MTA1: variants seen among roughly 807,000 people sequenced by gnomAD.
MTA1 encodes metastasis associated 1.
MTA1 carries 15 observed loss-of-function variants against 97.0 expected under a neutral mutation model. The ratio of observed to expected loss-of-function variants is 0.15; its 90% CI spans 0.10 to 0.24. The LOEUF is 0.24. MTA1 is among the 10% of genes least tolerant of loss of function. MTA1 has a pLI of 1.00. For synonymous variants in MTA1, 435 were observed against 417.5 expected, an observed-to-expected ratio of 1.04 and a Z score of -0.51; for missense variants, 709 against 1,015.1, an observed-to-expected ratio of 0.70 and a Z score of 4.10.
At chr14:105,430,628 C>G (rs2141432666) in intron 1 of MTA1, among the ~76,000 whole-genome samples, 1 of 152,276 alleles carries the variant, frequency 6.6e-6, no homozygotes, top group South Asian at 2.1e-4. Flanking sequence ...AAACACAATA[C>G]CTGCAAAGCA....
At chr14:105,439,002 G>T (rs1330582465) in intron 2 of MTA1, among the ~76,000 whole-genome samples, 2 of 152,184 alleles carry the variant, frequency 1.3e-5, no homozygotes, top group East Asian at 3.9e-4. Flanking sequence ...TGGTCTGTGG[G>T]TGCTGGGTCC....
Position 105,470,341 on chromosome 14 carries a change from C to G in MTA1, c.*126C>G. 1.3e-6 allele frequency: 1 copy of G among 764,208 alleles called. No individual in the cohort carries two copies. Among genetic ancestry groups the G allele is most frequent in the Non-Finnish European group, 1.9e-6 (1 of 527,128 alleles). The allele number at this position is 764,208 out of a possible 1,614,324, so 47.3% of individuals were successfully genotyped here. A position where few individuals can be genotyped will look rare whatever the true frequency, so the allele number is the denominator to read the frequency against. Reference sequence around the variant, plus strand: ...TCCCGCCCTCACCTGCAGAGAAACGCGCTCCTTGGCGGACACTGGGGGAGG... The same window carrying G: ...TCCCGCCCTCACCTGCAGAGAAACGGGCTCCTTGGCGGACACTGGGGGAGG... On this transcript the variant is annotated 3_prime_UTR_variant, in exon 21 of 21. Coordinates refer to ENST00000331320, the MANE Select transcript of MTA1 (RefSeq NM_004689.4).
rs778904357 is a variant in MTA1 at position 105,470,143 on chromosome 14, G to C, written c.2076G>C (p.Gln692His). ...RRPYKPIALR[Q>H]SQALPPRPPP... ...CCTACAAGCCCATCGCCCTGCGCCA[G>C]AGCCAGGCCCTGCCGCCGCGGCCAC... Residue 692 changes from glutamine to histidine, a missense_variant, in exon 21 of 21, where the codon CAG becomes CAC. Coordinates refer to ENST00000331320, the MANE Select transcript of MTA1 (RefSeq NM_004689.4). 13 of 1,611,700 alleles carry C rather than the reference G, an allele frequency of 8.1e-6. No homozygotes were observed. In the African/African-American group the frequency reaches 1.2e-4, roughly 15 times the overall value.
In MTA1 at chr14:105,464,540, G is replaced by A. The variant is rs1555431949; in HGVS notation, c.1317G>A (p.Glu439=). The A allele has an allele frequency of 6.2e-7, 1 of 1,612,966 alleles. No homozygotes were observed. The highest frequency in any genetic ancestry group is 8.5e-7 in the Non-Finnish European group (1 of 1,179,956). Reference sequence around the variant, plus strand: ...AAATGCCAACCCGGTTAGATGGAGAGAGGCCAGGACCAAACCGCAGTAACA... The same window carrying A: ...AAATGCCAACCCGGTTAGATGGAGAAAGGCCAGGACCAAACCGCAGTAACA... ...GLKMPTRLDG[E]RPGPNRSNMS... is the part of the protein sequence containing the mutation. The change falls in exon 14 of 21, where the codon GAG becomes GAA. Residue 439 remains glutamate, a synonymous_variant. Transcript: ENST00000331320.
intron 1 of MTA1, among the ~76,000 whole-genome samples, chr14:105,428,465 G>A (rs1276930186): frequency 4.6e-5 from 7 of 152,006 alleles, no homozygotes; most frequent in South Asian, 2.1e-4. Flanking sequence ...TAAGTTTTTC[G>A]TTATGTTGTC....
At position 105,460,809 on chromosome 14, in the gene MTA1, C is replaced by G; in HGVS notation, c.798C>G (p.Ser266=). 6.2e-7 allele frequency: 1 copy of G among 1,610,032 alleles called. No homozygotes were observed. The highest frequency in any genetic ancestry group is 8.5e-7 in the Non-Finnish European group (1 of 1,178,428). ...DTLHKNIYDI[S]KAISALVPQG... ...TCCACAAGAACATCTACGACATCTCCAAGGCCATCTCGGCGCTGGTGCCGC... is the reference window on the plus strand; with the variant it reads ...TCCACAAGAACATCTACGACATCTCGAAGGCCATCTCGGCGCTGGTGCCGC... The change falls in exon 10 of 21, where the codon TCC becomes TCG. Residue 266 remains serine (S), a synonymous_variant. Coordinates refer to ENST00000331320, the MANE Select transcript of MTA1 (RefSeq NM_004689.4).
At chr14:105,453,489 G>A (rs2083023191) in intron 6 of MTA1, among the ~76,000 whole-genome samples, 1 of 152,258 alleles carries the variant, frequency 6.6e-6, no homozygotes, top group African/African-American at 2.4e-5. Flanking sequence ...CAGCCTGGGC[G>A]ACGGAGCGAG....
chr14:105,422,063 GCTT>G lies in MTA1; in HGVS notation c.28+2003_28+2005del, dbSNP rs2081856061. On this transcript the variant is annotated intron_variant, in intron 1 of 20. Transcript: ENST00000331320. The surrounding 1 kb of genome is among the most constrained non-coding windows in gnomAD (Gnocchi z 4.3). Reference sequence around the variant, plus strand: ...CACAGCCACGCGTGGGATCCAGACTGCTTCTGCGTGTGCAGTCCGTGGTCACTG... The same window carrying G: ...CACAGCCACGCGTGGGATCCAGACTGCTGCGTGTGCAGTCCGTGGTCACTG... Among the ~76,000 whole-genome samples the G allele has an allele frequency of 1.3e-5, 2 of 152,234 alleles. No homozygotes were observed. The highest frequency in any genetic ancestry group is 6.5e-5 in the Admixed American group (1 of 15,290).
chr14:105,441,669 C>T (rs1431493104), intron 2 of MTA1, among the ~76,000 whole-genome samples: 4 of 152,150 alleles, frequency 2.6e-5, no homozygotes, highest in Admixed American at 6.5e-5. Context: ...TGGCGGGCGC[C>T]TGTGATCCCA....
chr14:105,469,722 G>A (rs997938524), intron 19 of MTA1, 119 bp from the exon 20 acceptor site: 7 of 1,417,430 alleles, frequency 4.9e-6, no homozygotes, highest in South Asian at 1.3e-5. Context: ...CTGGGGGTCC[G>A]TGTAACTCAC....
At chr14:105,449,244 G>GC (rs2082828860) in intron 3 of MTA1, 115 bp from the exon 4 acceptor site, 3 of 1,057,128 alleles carry the variant, frequency 2.8e-6, no homozygotes, top group Admixed American at 5.8e-5. Flanking sequence ...GAGGCCTGCG[G>GC]CCCCCGTTCT....
rs1555420488 is a variant in MTA1, at chr14:105,420,142, C to T, written c.28+79C>T. The T allele has an allele frequency of 2.6e-6, 2 of 757,746 alleles. No homozygotes were observed. Among genetic ancestry groups the T allele is most frequent in the Non-Finnish European group, 3.2e-6 (2 of 619,886 alleles). The allele number at this position is 757,746 out of a possible 1,614,324, so 46.9% of individuals were successfully genotyped here. A position where few individuals can be genotyped will look rare whatever the true frequency, so the allele number is the denominator to read the frequency against. Reference sequence around the variant, plus strand: ...GCCGCCGCTGCCGCCTCCCCCGCCCCTCTGCCCCGCAGGCCCCGCGCCCCC... The same window carrying T: ...GCCGCCGCTGCCGCCTCCCCCGCCCTTCTGCCCCGCAGGCCCCGCGCCCCC... On this transcript the variant is annotated intron_variant, in intron 1 of 20. Transcript: ENST00000331320. This position sits in a 1 kb window ranked among gnomAD's most constrained non-coding sequence, Gnocchi z 5.3.
rs372562966 is a variant in MTA1 at position 105,454,190 on chromosome 14, C to T, written c.433-3C>T. 63 of 1,609,698 alleles carry T rather than the reference C, an allele frequency of 3.9e-5. No individual in the cohort carries two copies. The highest frequency in any genetic ancestry group is 5.1e-5 in the Non-Finnish European group (60 of 1,176,644). ...CCTCTCTGTCTCCTGTGGTGTTTTC[C>T]AGGATTTCTTCTTCTATTCTCTAGT... On this transcript the variant is annotated splice_polypyrimidine_tract_variant and splice_region_variant and intron_variant, in intron 6 of 20. Coordinates refer to ENST00000331320, the MANE Select transcript of MTA1 (RefSeq NM_004689.4).
intron 2 of MTA1, among the ~76,000 whole-genome samples, chr14:105,444,324 G>C (rs377199323): frequency 5.3e-5 from 8 of 151,392 alleles, no homozygotes; most frequent in African/African-American, 1.2e-4. Context: ...GCAGTGAGCC[G>C]AGATTGCACC....
intron 1 of MTA1, among the ~76,000 whole-genome samples, chr14:105,434,844 A>G (rs2082283332): frequency 6.6e-6 from 1 of 152,120 alleles, no homozygotes; most frequent in Non-Finnish European, 1.5e-5. Flanking sequence ...GACCTTGCAA[A>G]ACTCTTACTC....
In MTA1 at chr14:105,420,600, C is replaced by T. The variant is rs2081799491; in HGVS notation, c.28+537C>T. 6.6e-6 allele frequency among the ~76,000 whole-genome samples: 1 copy of T among 152,192 alleles called. No homozygotes were observed. Among genetic ancestry groups the T allele is most frequent in the Non-Finnish European group, 1.5e-5 (1 of 68,008 alleles). Reference sequence around the variant, plus strand: ...CCCCAGCAGGGATCCCTCAGGGGGTCTTCAGCAGGGAGCGAGCATCCCGAG... The same window carrying T: ...CCCCAGCAGGGATCCCTCAGGGGGTTTTCAGCAGGGAGCGAGCATCCCGAG... On this transcript the variant is annotated intron_variant, in intron 1 of 20. Transcript: ENST00000331320. This position sits in a 1 kb window ranked among gnomAD's most constrained non-coding sequence, Gnocchi z 5.3.
At chr14:105,430,895 T>TA in intron 1 of MTA1, among the ~76,000 whole-genome samples, 1 of 152,314 alleles carries the variant, frequency 6.6e-6, no homozygotes, top group East Asian at 1.9e-4. Context: ...ACGGCCGCAC[T>TA]AATGGGAGGG....
chr14:105,440,720 C>T (rs1398938990), intron 2 of MTA1, among the ~76,000 whole-genome samples: 1 of 152,370 alleles, frequency 6.6e-6, no homozygotes, highest in East Asian at 1.9e-4. Flanking sequence ...GTGAGGGGCA[C>T]GACTACTCTC....
rs1037182656 is a variant in MTA1, at chr14:105,463,069, G to A, written c.943-115G>A. ...GGCCTCCGTGCACCAAGCACACCTC[G>A]CCCTCTGGCCTCCCGCCCCCTCTGT... On this transcript the variant is annotated intron_variant, in intron 10 of 20. Transcript: ENST00000331320. This position sits in a 1 kb window ranked among gnomAD's most constrained non-coding sequence, Gnocchi z 5.9. The A allele has an allele frequency of 1.3e-5, 13 of 1,014,944 alleles. No homozygotes were observed. Among genetic ancestry groups the A allele is most frequent in the Non-Finnish European group, 1.6e-5 (11 of 667,698 alleles). 62.9% of individuals were successfully genotyped at this position (1,014,944 alleles called of 1,614,324 possible). A position where few individuals can be genotyped will look rare whatever the true frequency, so the allele number is the denominator to read the frequency against.
Sources: allele counts gnomAD v4.1 joint callset (sites outside exome capture counted in the v4.1 genomes callset), GRCh38; gene constraint gnomAD v4.1.1; non-coding constraint Gnocchi (gnomAD v3.1); transcripts MANE v1.5; gene names NCBI Gene and HGNC (gene_info 2026-07-23, HGNC 2026-07-21).